CLPTM1: variants seen among roughly 807,000 people sequenced by gnomAD.
The protein encoded by CLPTM1 is putative lipid scramblase CLPTM1.
CLPTM1 carries 21 observed loss-of-function variants against 77.3 expected under a neutral mutation model. The ratio of observed to expected loss-of-function variants is 0.27; its 90% confidence interval spans 0.19 to 0.39. The LOEUF is 0.39. Ranked by LOEUF, CLPTM1 falls within the 10% of genes least tolerant of loss-of-function variation. CLPTM1 has a pLI of 1.00. For missense variants in CLPTM1, 642 were observed against 921.2 expected (o/e 0.70, Z 3.92); for synonymous variants, 373 against 381.0 (o/e 0.98, Z 0.24).
upstream of CLPTM1, chr19:44,955,363 C>A (rs1368989788): frequency 1.4e-6 from 1 of 699,104 alleles, no homozygotes. Flanking sequence ...CGGGGCGGGG[C>A]TGGCGGCGGG....
At chr19:44,957,060 T>C (rs768094686) in intron 1 of CLPTM1, among the ~76,000 whole-genome samples, 1 of 152,196 alleles carries the variant, frequency 6.6e-6, no homozygotes, top group Non-Finnish European at 1.5e-5. Context: ...CAACCATATA[T>C]GTCTCCAGAC....
intron 5 of CLPTM1, among the ~76,000 whole-genome samples, chr19:44,980,437 A>T (rs1012047676): frequency 6.8e-6 from 1 of 147,002 alleles, no homozygotes; most frequent in African/African-American, 2.5e-5. Context: ...TGGACCCCGG[A>T]GGCGGAGATT....
chr19:44,978,536 G>A (rs1970841854), intron 5 of CLPTM1, among the ~76,000 whole-genome samples: 1 of 152,244 alleles, frequency 6.6e-6, no homozygotes. Context: ...GGGAGGCTGA[G>A]GTGGGAGGAT....
At chr19:44,956,781 T>C (rs976230152) in intron 1 of CLPTM1, among the ~76,000 whole-genome samples, 2 of 152,190 alleles carry the variant, frequency 1.3e-5, no homozygotes, top group Non-Finnish European at 2.9e-5. Context: ...ACTCTGATCT[T>C]CTCTTGTACC....
chr19:44,985,594 G>C (rs1316088707), intron 6 of CLPTM1, among the ~76,000 whole-genome samples: 1 of 152,178 alleles, frequency 6.6e-6, no homozygotes, highest in East Asian at 1.9e-4. Context: ...CTCAGTCTCA[G>C]CCGGAAGTGG....
At chr19:44,965,643 C>T (rs1490079120) in intron 2 of CLPTM1, among the ~76,000 whole-genome samples, 2 of 151,854 alleles carry the variant, frequency 1.3e-5, no homozygotes, top group East Asian at 3.9e-4. Flanking sequence ...GAAACGCCGT[C>T]TCTACTGAAA....
intron 2 of CLPTM1, among the ~76,000 whole-genome samples, chr19:44,972,443 G>A (rs71352247): frequency 4.6e-5 from 7 of 151,492 alleles, no homozygotes; most frequent in Non-Finnish European, 7.4e-5. Context: ...TAGAGACAGG[G>A]TTTCACCATG....
Position 44,993,073 on chromosome 19 carries a change from T to C in CLPTM1, c.*176T>C. 1.2e-6 allele frequency: 1 copy of C among 804,740 alleles called. No homozygotes were observed. Among genetic ancestry groups the C allele is most frequent in the Non-Finnish European group, 2.1e-6 (1 of 472,154 alleles). The allele number at this position is 804,740 out of a possible 1,614,324, so 49.8% of individuals were successfully genotyped here. A position where few individuals can be genotyped will look rare whatever the true frequency, so the allele number is the denominator to read the frequency against. ...AGGGGCCGGGGCAGGCCAGGGTTTG[T>C]TTGTGGAGGCGCTGTCTGTCCCTCT... On this transcript the variant is annotated 3_prime_UTR_variant, in exon 14 of 14. Transcript: ENST00000337392.
chr19:44,993,244 T>A lies in CLPTM1; in HGVS notation c.*347T>A. On this transcript the variant is annotated 3_prime_UTR_variant, in exon 14 of 14. Transcript: ENST00000337392. Reference sequence around the variant, plus strand: ...GGGATGCCCACGGCCGTTCATCATCTTGTCCCTCGTCCCCCTACCACACTC... The same window carrying A: ...GGGATGCCCACGGCCGTTCATCATCATGTCCCTCGTCCCCCTACCACACTC... The A allele has an allele frequency of 2.0e-6, 1 of 512,066 alleles. No individual in the cohort carries two copies. The highest frequency in any genetic ancestry group is 1.6e-5 in the South Asian group (1 of 61,754). 31.7% of individuals were successfully genotyped at this position (512,066 alleles called of 1,614,324 possible).
In CLPTM1 at chr19:44,990,971, T is replaced by G. The variant is rs1416165691; in HGVS notation, c.1419+26T>G. The stretch of plus-strand genomic sequence containing the variant: ...GTGAGTGTCCTGCACAGTGGGCCCC[T>G]GGGGGTGGTCTCCAGGTACCACGTA... On this transcript the variant is annotated intron_variant, in intron 11 of 13. Coordinates refer to ENST00000337392, the MANE Select transcript of CLPTM1 (RefSeq NM_001294.4). This position sits in a 1 kb window ranked among gnomAD's most constrained non-coding sequence, Gnocchi z 4.8. 7 of 1,470,620 alleles carry G rather than the reference T, an allele frequency of 4.8e-6. No homozygotes were observed. The East Asian group carries it at 1.2e-4, about 26-fold the overall frequency. 91.1% of individuals were successfully genotyped at this position (1,470,620 alleles called of 1,614,324 possible).
At position 44,992,921 on chromosome 19, in the gene CLPTM1, C is replaced by T. The variant is rs1361933888; in HGVS notation, c.*24C>T. The T allele has an allele frequency of 7.5e-6, 12 of 1,606,018 alleles. No individual in the cohort carries two copies. The highest frequency in any genetic ancestry group is 1.6e-4 in the Middle Eastern group (1 of 6,080). ...AGTCGAGACTGGTCCTCACCTGCTC[C>T]GGCTCCTGGCGACCACTACCCCTGC... is the stretch of plus-strand genomic sequence containing the variant. On this transcript the variant is annotated 3_prime_UTR_variant, in exon 14 of 14. Transcript: ENST00000337392. This position sits in a 1 kb window ranked among gnomAD's most constrained non-coding sequence, Gnocchi z 7.7.
chr19:44,986,704 C>A, intron 7 of CLPTM1, 129 bp downstream of exon 7: 2 of 1,247,534 alleles, frequency 1.6e-6, no homozygotes, highest in Non-Finnish European at 2.2e-6. Flanking sequence ...CAAGCTCCCA[C>A]CCTGTCCTAT....
At chr19:44,989,301 G>A (rs11669173) in intron 9 of CLPTM1, among the ~76,000 whole-genome samples, 63,258 of 152,080 alleles carry the variant, frequency 0.42, 14,149 homozygotes, top group Middle Eastern at 0.55. Flanking sequence ...TTCTGCCTAG[G>A]AGCTGGCTTG....
At position 44,993,033 on chromosome 19, in the gene CLPTM1, C is replaced by T; in HGVS notation, c.*136C>T. ...GTGGGAGGCCCGCCTCAGGTCAGGG[C>T]CCAGCGTGTGATGTAGGGGCCGGGG... On this transcript the variant is annotated 3_prime_UTR_variant, in exon 14 of 14. Transcript: ENST00000337392. The T allele has an allele frequency of 3.5e-6, 4 of 1,141,286 alleles. No individual in the cohort carries two copies. Among genetic ancestry groups the T allele is most frequent in the Non-Finnish European group, 3.8e-6 (3 of 782,780 alleles). The allele number at this position is 1,141,286 out of a possible 1,614,324, so 70.7% of individuals were successfully genotyped here.
At chr19:44,955,140 C>T, upstream of CLPTM1, 5 of 1,535,680 alleles carry the variant, frequency 3.3e-6, no homozygotes, top group Non-Finnish European at 4.4e-6. Flanking sequence ...CACATGCTGG[C>T]CGAGAAAGTC....
chr19:44,981,187 C>T (rs1013106593), intron 5 of CLPTM1, among the ~76,000 whole-genome samples: 16 of 151,818 alleles, frequency 1.1e-4, no homozygotes, highest in Admixed American at 4.6e-4. Context: ...TCTTGTTGCC[C>T]AGGCTGGAGT....
chr19:44,975,310 G>T (rs879643103), intron 4 of CLPTM1, among the ~76,000 whole-genome samples: 6 of 152,202 alleles, frequency 3.9e-5, no homozygotes, highest in Admixed American at 3.9e-4. Context: ...TGATAATAAG[G>T]CTGGGGCTGC....
At chr19:44,968,364 G>A (rs375538628) in intron 2 of CLPTM1, among the ~76,000 whole-genome samples, 75 of 152,298 alleles carry the variant, frequency 4.9e-4, no homozygotes, top group African/African-American at 1.7e-3. Context: ...AGTGGGAGGT[G>A]GAGCAGGAAC....
chr19:44,967,848 C>G (rs1970658590), intron 2 of CLPTM1, among the ~76,000 whole-genome samples: 1 of 152,172 alleles, frequency 6.6e-6, no homozygotes, highest in Non-Finnish European at 1.5e-5. Context: ...GCCATGTGCC[C>G]TACGCTTCTC....
Sources: allele counts gnomAD v4.1 joint callset (sites outside exome capture counted in the v4.1 genomes callset), GRCh38; gene constraint gnomAD v4.1.1; non-coding constraint Gnocchi (gnomAD v3.1); transcripts MANE v1.5; gene names NCBI Gene and HGNC (gene_info 2026-07-23, HGNC 2026-07-21).